The following TRABD2B variants were observed in gnomAD, a reference collection of about 807,000 sequenced individuals.
TRABD2B encodes metalloprotease TIKI2.
Under a neutral mutation model 40.1 loss-of-function variants are expected in TRABD2B, and 14 were observed. The observed-to-expected ratio is 0.35, with a 90% CI of 0.23 to 0.55. The LOEUF is 0.55. TRABD2B is among the 20% of genes least tolerant of loss of function. The pLI, the probability that TRABD2B is intolerant of heterozygous loss-of-function variation, is 0.90. For synonymous variants in TRABD2B, 263 were observed against 277.0 expected (o/e 0.95, Z 0.50); for missense variants, 541 against 648.6 (o/e 0.83, Z 1.80).
chr1:47,788,736 T>C (rs1036088861), intron 4 of TRABD2B, among the ~76,000 whole-genome samples: 6 of 152,166 alleles, frequency 3.9e-5, no homozygotes, highest in African/African-American at 1.4e-4. Flanking sequence ...TTTTGGAATG[T>C]CAGAAGTTAG....
intron 5 of TRABD2B, among the ~76,000 whole-genome samples, chr1:47,775,865 G>A (rs1266251122): frequency 6.6e-6 from 1 of 152,122 alleles, no homozygotes; most frequent in African/African-American, 2.4e-5. Context: ...CAGGGAAGGT[G>A]GTCTGGTCAC....
rs191661092 is a variant in TRABD2B at position 47,800,569 on chromosome 1, C to A, written c.813+904G>T. On this transcript the variant is annotated intron_variant, in intron 3 of 6. Coordinates refer to ENST00000606738, the MANE Select transcript of TRABD2B (RefSeq NM_001194986.2). Reference sequence around the variant, plus strand: ...GCCACTGTAGAGACTCTGGCTTTCACCTTGATAAAAATGGGAAGTCCACGC... The same window carrying A: ...GCCACTGTAGAGACTCTGGCTTTCAACTTGATAAAAATGGGAAGTCCACGC... 1.2e-3 allele frequency among the ~76,000 whole-genome samples: 179 copies of A among 152,274 alleles called. 3 individuals carry two copies. Among genetic ancestry groups the A allele is most frequent in the Non-Finnish European group, 1.5e-4 (10 of 68,016 alleles).
intron 2 of TRABD2B, among the ~76,000 whole-genome samples, chr1:47,949,305 G>C (rs182677718): frequency 7.3e-5 from 11 of 150,700 alleles, no homozygotes; most frequent in African/African-American, 2.4e-4. Context: ...TCAAAGTTCT[G>C]TTTGACTCTG....
intron 3 of TRABD2B, among the ~76,000 whole-genome samples, chr1:47,798,233 C>T (rs552155436): frequency 1.3e-5 from 2 of 152,332 alleles, no homozygotes; most frequent in African/African-American, 2.4e-5. Context: ...AGGGTAACTA[C>T]GTGTCTTGGT....
At chr1:47,937,338 A>C (rs575452242) in intron 2 of TRABD2B, among the ~76,000 whole-genome samples, 1 of 148,030 alleles carries the variant, frequency 6.8e-6, no homozygotes, top group Admixed American at 6.6e-5. Flanking sequence ...CACCATCATG[A>C]TCATCATCAT....
intron 2 of TRABD2B, among the ~76,000 whole-genome samples, chr1:47,927,763 T>C (rs1295230074): frequency 1.3e-5 from 2 of 152,238 alleles, no homozygotes; most frequent in African/African-American, 4.8e-5. Flanking sequence ...GAGCCTCTGA[T>C]TCCTCATCTG....
intron 2 of TRABD2B, among the ~76,000 whole-genome samples, chr1:47,918,874 C>T (rs1382508047): frequency 6.6e-6 from 1 of 152,192 alleles, no homozygotes; most frequent in Admixed American, 6.5e-5. Flanking sequence ...GACCAAAAGC[C>T]AAGGGATTTG....
At chr1:47,877,225 A>G (rs1644238509) in intron 2 of TRABD2B, among the ~76,000 whole-genome samples, 2 of 152,066 alleles carry the variant, frequency 1.3e-5, no homozygotes, top group South Asian at 4.2e-4. Context: ...GGGCAGGTGA[A>G]TGTTTCAAGC....
intron 6 of TRABD2B, among the ~76,000 whole-genome samples, chr1:47,772,769 C>T (rs1208710517): frequency 6.6e-6 from 1 of 152,058 alleles, no homozygotes; most frequent in South Asian, 2.1e-4. Context: ...CTGGGAGCAA[C>T]GGAGGCTGTG....
intron 2 of TRABD2B, among the ~76,000 whole-genome samples, chr1:47,910,263 G>C (rs75137475): frequency 0.25 from 37,798 of 151,960 alleles, 4,761 homozygotes; most frequent in Admixed American, 0.28. Flanking sequence ...CTGAGGTTTA[G>C]AGAGGTTAAA....
rs1300106294 is a variant in TRABD2B, at chr1:47,766,064, G to C, written c.1392C>G (p.His464Gln). ...AGGGGGGCTTGGCGGTCCCCGAGCT[G>C]TGGGTGGGCTGCAGGGGCAGCGGGG... ...SPPPLPLQPTHSSGTAKPPFQ... is the reference protein window; with the variant it reads ...SPPPLPLQPTQSSGTAKPPFQ... The change falls in exon 7 of 7, where the codon CAC (histidine) becomes CAG (glutamine). Residue 464 changes from histidine to glutamine, a missense_variant. Physicochemically the swap from His to Gln is conservative, Grantham distance 24. Coordinates refer to ENST00000606738, the MANE Select transcript of TRABD2B (RefSeq NM_001194986.2). 4 of 699,294 alleles carry C rather than the reference G, an allele frequency of 5.7e-6. No individual in the cohort carries two copies. The highest frequency in any genetic ancestry group is 2.0e-5 in the Admixed American group (1 of 49,750). 43.3% of individuals were successfully genotyped at this position (699,294 alleles called of 1,614,324 possible).
chr1:47,863,613 A>T (rs1364240379), intron 2 of TRABD2B, among the ~76,000 whole-genome samples: 1 of 152,036 alleles, frequency 6.6e-6, no homozygotes, highest in East Asian at 1.9e-4. Flanking sequence ...CCAGTGCTGG[A>T]GAGGATGTGG....
chr1:47,910,878 G>A (rs1008333236), intron 2 of TRABD2B, among the ~76,000 whole-genome samples: 2 of 152,180 alleles, frequency 1.3e-5, no homozygotes, highest in Non-Finnish European at 2.9e-5. Flanking sequence ...TCCTCTCACA[G>A]TTAAGTGTGG....
rs1319153133 is a variant in TRABD2B, at chr1:47,993,918, GA to G, written c.666+115del. 4.5e-6 allele frequency: 5 copies of G among 1,104,350 alleles called. No individual in the cohort carries two copies. In the East Asian group the frequency reaches 1.0e-4, roughly 23 times the overall value. 68.4% of individuals were successfully genotyped at this position (1,104,350 alleles called of 1,614,324 possible). A position where few individuals can be genotyped will look rare whatever the true frequency, so the allele number is the denominator to read the frequency against. On this transcript the variant is annotated intron_variant, in intron 2 of 6. Coordinates refer to ENST00000606738, the MANE Select transcript of TRABD2B (RefSeq NM_001194986.2). ...CTGCCCAGCAGAACCTCTCCTTCCAGAAAAAGGACCTGACTCTGGCTGCCTC... is the reference window on the plus strand; with the variant it reads ...CTGCCCAGCAGAACCTCTCCTTCCAGAAAAGGACCTGACTCTGGCTGCCTC...
intron 4 of TRABD2B, among the ~76,000 whole-genome samples, chr1:47,783,145 A>G (rs1644549150): frequency 6.6e-6 from 1 of 152,070 alleles, no homozygotes; most frequent in Non-Finnish European, 1.5e-5. Flanking sequence ...AGGGGCACGG[A>G]GGAGGAAGAG....
At chr1:47,827,507 C>CT (rs1645192150) in intron 2 of TRABD2B, among the ~76,000 whole-genome samples, 1 of 152,178 alleles carries the variant, frequency 6.6e-6, no homozygotes, top group African/African-American at 2.4e-5. Flanking sequence ...GATCCAGAGC[C>CT]TGAAAGAAGC....
intron 2 of TRABD2B, among the ~76,000 whole-genome samples, chr1:47,923,956 ACACACACACACAC>A (rs1644937907): frequency 7.2e-6 from 1 of 138,634 alleles, no homozygotes; most frequent in Non-Finnish European, 1.5e-5. Flanking sequence ...ACACACACAC[ACACACACACACAC>A]ATCCTATTAG....
In TRABD2B at chr1:47,801,467, C is replaced by A. The variant is rs748861029; in HGVS notation, c.813+6G>T. ...AGGTATCCAGGTCTTTGGAGAGGAGCCTCACCTGGGATGTGTCGTGGTTGA... is the reference window on the plus strand; with the variant it reads ...AGGTATCCAGGTCTTTGGAGAGGAGACTCACCTGGGATGTGTCGTGGTTGA... On this transcript the variant is annotated splice_donor_region_variant and intron_variant, in intron 3 of 6. Coordinates refer to ENST00000606738, the MANE Select transcript of TRABD2B (RefSeq NM_001194986.2). The A allele has an allele frequency of 6.5e-7, 1 of 1,535,316 alleles. No homozygotes were observed. Among genetic ancestry groups the A allele is most frequent in the Non-Finnish European group, 8.7e-7 (1 of 1,146,310 alleles).
rs1644293326 is a variant in TRABD2B at position 47,765,771 on chromosome 1, G to C, written c.*131C>G. ...AACTTGGGTACAGTAAAGCTCTAGA[G>C]TGTCTAGCCAATCCCATGTGGACTG... On this transcript the variant is annotated 3_prime_UTR_variant, in exon 7 of 7. Coordinates refer to ENST00000606738, the MANE Select transcript of TRABD2B (RefSeq NM_001194986.2). 1 of 697,460 alleles carries C rather than the reference G, an allele frequency of 1.4e-6. No homozygotes were observed. The highest frequency in any genetic ancestry group is 2.6e-6 in the Non-Finnish European group (1 of 383,116). The allele number at this position is 697,460 out of a possible 1,614,324, so 43.2% of individuals were successfully genotyped here. A position where few individuals can be genotyped will look rare whatever the true frequency, so the allele number is the denominator to read the frequency against.
Sources: allele counts gnomAD v4.1 joint callset (sites outside exome capture counted in the v4.1 genomes callset), GRCh38; gene constraint gnomAD v4.1.1; transcripts MANE v1.5; gene names NCBI Gene and HGNC (gene_info 2026-07-23, HGNC 2026-07-21).